The following NRXN3 variants were observed in gnomAD, a reference collection of about 807,000 sequenced individuals.
The protein encoded by NRXN3 is neurexin 3, also known as neurexin III.
Under a neutral mutation model 137.6 loss-of-function variants are expected in NRXN3, and 32 were observed. The ratio of observed to expected loss-of-function variants is 0.23; its 90% CI spans 0.18 to 0.31. The LOEUF (loss-of-function observed/expected upper bound fraction) is 0.31. Among genes scored for constraint, NRXN3 ranks in the 10% least tolerant of loss-of-function variants. The pLI is 1.00. For synonymous variants in NRXN3, 798 were observed against 784.5 expected (o/e 1.02, Z -0.29); for missense variants, 1,574 against 2,062.5 (o/e 0.76, Z 4.59).
chr14:79,621,727 T>C (rs1341900912), intron 16 of NRXN3, among the ~76,000 whole-genome samples: 1 of 152,236 alleles, frequency 6.6e-6, no homozygotes, highest in African/African-American at 2.4e-5. Context: ...AGTTGCTCTT[T>C]AGACCCAATT....
At position 79,345,407 on chromosome 14, in the gene NRXN3, T is replaced by C. The variant is rs868734931; in HGVS notation, c.3263-121814T>C. 7.9e-5 allele frequency among the ~76,000 whole-genome samples: 12 copies of C among 152,282 alleles called. No homozygotes were observed. The Middle Eastern group carries it at 0.031, about 388-fold the overall frequency. ...GTCCTCAGCACCAGACTGTGTAATG[T>C]GGGGTCACCAGAAACCTCTGACACA... is the stretch of plus-strand genomic sequence containing the variant. On this transcript the variant is annotated intron_variant, in intron 15 of 20. Transcript: ENST00000335750.
At chr14:78,762,746 A>T (rs940518455) in intron 8 of NRXN3, among the ~76,000 whole-genome samples, 2 of 152,242 alleles carry the variant, frequency 1.3e-5, no homozygotes, top group African/African-American at 4.8e-5. Context: ...ACTTAGAATC[A>T]TGCCTGGCAC....
At chr14:78,614,975 G>C (rs544530874) in intron 4 of NRXN3, 3 of 456,600 alleles carry the variant, frequency 6.6e-6, no homozygotes, top group South Asian at 4.6e-5. Flanking sequence ...TGTTAGGCCC[G>C]GGAAGAACAG....
intron 4 of NRXN3, among the ~76,000 whole-genome samples, chr14:78,583,938 T>G (rs1380524111): frequency 6.6e-6 from 1 of 152,198 alleles, no homozygotes; most frequent in Admixed American, 6.5e-5. Flanking sequence ...TGAGTGTTTC[T>G]TATGTGCCAG....
intron 8 of NRXN3, among the ~76,000 whole-genome samples, chr14:78,741,622 A>G (rs2098573684): frequency 6.6e-6 from 1 of 152,178 alleles, no homozygotes; most frequent in Non-Finnish European, 1.5e-5. Flanking sequence ...TGAAAGCATC[A>G]CCACATATCT....
chr14:78,946,109 G>A (rs539637803), intron 10 of NRXN3, among the ~76,000 whole-genome samples: 84 of 152,328 alleles, frequency 5.5e-4, no homozygotes, highest in Non-Finnish European at 1.2e-3. Flanking sequence ...TGGGATTGAC[G>A]TGAGTATTAA....
intron 8 of NRXN3, among the ~76,000 whole-genome samples, chr14:78,788,138 C>G (rs1311404674): frequency 6.6e-6 from 1 of 152,158 alleles, no homozygotes; most frequent in African/African-American, 2.4e-5. Context: ...CTGGGACCTC[C>G]TAACACCAAG....
chr14:79,111,305 T>C (rs2053477979), intron 15 of NRXN3, among the ~76,000 whole-genome samples: 1 of 152,176 alleles, frequency 6.6e-6, no homozygotes, highest in Admixed American at 6.5e-5. Context: ...TGAATTAAAA[T>C]CTCAAATACT....
At chr14:78,355,722 C>T (rs375200953) in intron 4 of NRXN3, among the ~76,000 whole-genome samples, 1 of 152,208 alleles carries the variant, frequency 6.6e-6, no homozygotes, top group Non-Finnish European at 1.5e-5. Flanking sequence ...GCCCTGCCAA[C>T]AGAGCCTTTA....
chr14:78,221,735 A>C (rs2063873879), intron 1 of NRXN3, among the ~76,000 whole-genome samples: 1 of 152,096 alleles, frequency 6.6e-6, no homozygotes, highest in African/African-American at 2.4e-5. Flanking sequence ...GGTGGCTGGA[A>C]TAGCTCTGGT....
intron 15 of NRXN3, among the ~76,000 whole-genome samples, chr14:79,230,302 C>T (rs185000504): frequency 2.0e-5 from 3 of 152,276 alleles, no homozygotes; most frequent in Non-Finnish European, 2.9e-5. Context: ...CTAACACTCT[C>T]CTATCATTGT....
intron 16 of NRXN3, among the ~76,000 whole-genome samples, chr14:79,656,484 G>C (rs2098506274): frequency 6.6e-6 from 1 of 152,186 alleles, no homozygotes; most frequent in African/African-American, 2.4e-5. Context: ...GTTGTGACTG[G>C]TGACTTAGAG....
intron 4 of NRXN3, among the ~76,000 whole-genome samples, chr14:78,314,891 T>C (rs527607168): frequency 2.7e-3 from 239 of 88,508 alleles, no homozygotes; most frequent in African/African-American, 0.01. Flanking sequence ...CTTTCTTTCT[T>C]TCTCTTTCTT....
At chr14:79,343,213 C>G (rs892510673) in intron 15 of NRXN3, among the ~76,000 whole-genome samples, 2 of 152,150 alleles carry the variant, frequency 1.3e-5, no homozygotes, top group African/African-American at 2.4e-5. Context: ...CATAATTGCT[C>G]ATCTTGTGGC....
At chr14:79,604,085 G>T (rs1261899377) in intron 16 of NRXN3, among the ~76,000 whole-genome samples, 1 of 151,938 alleles carries the variant, frequency 6.6e-6, no homozygotes, top group Non-Finnish European at 1.5e-5. Context: ...TAGAGACGGG[G>T]TTTCACTGTG....
At chr14:79,296,962 C>T (rs150795613) in intron 15 of NRXN3, among the ~76,000 whole-genome samples, 5,782 of 152,322 alleles carry the variant, frequency 0.038, 152 homozygotes, top group Middle Eastern at 0.068. Flanking sequence ...GTCCTTCTGC[C>T]TTCTTGATTC....
chr14:78,776,848 G>C (rs2098746363), intron 8 of NRXN3, among the ~76,000 whole-genome samples: 2 of 152,176 alleles, frequency 1.3e-5, no homozygotes, highest in Non-Finnish European at 2.9e-5. Context: ...ACCAACTGGA[G>C]AGTGTATTAT....
At chr14:79,078,024 A>G (rs965915336) in intron 15 of NRXN3, among the ~76,000 whole-genome samples, 6 of 152,190 alleles carry the variant, frequency 3.9e-5, no homozygotes, top group African/African-American at 1.4e-4. Context: ...AAAGCTTTCA[A>G]AAAATAAAGC....
intron 6 of NRXN3, among the ~76,000 whole-genome samples, chr14:78,683,945 GC>G (rs1202449479): frequency 6.6e-6 from 1 of 152,134 alleles, no homozygotes; most frequent in East Asian, 1.9e-4. Context: ...AATCACACCA[GC>G]AGTATTTATG....
Sources: allele counts gnomAD v4.1 joint callset (sites outside exome capture counted in the v4.1 genomes callset), GRCh38; gene constraint gnomAD v4.1.1; transcripts MANE v1.5; gene names NCBI Gene and HGNC (gene_info 2026-07-23, HGNC 2026-07-21).